The following ASAP1 variants were observed in gnomAD, a reference collection of about 807,000 sequenced individuals.
The protein encoded by ASAP1 is ArfGAP with SH3 domain, ankyrin repeat and PH domain 1.
A neutral mutation model predicts 145.2 loss-of-function variants in ASAP1; 43 were observed. The observed-to-expected ratio is 0.30, with a 90% CI of 0.23 to 0.38. ASAP1 has a LOEUF of 0.38. Ranked by LOEUF, ASAP1 falls within the 10% of genes least tolerant of loss-of-function variation. The pLI, the probability that ASAP1 is intolerant of heterozygous loss-of-function variation, is 1.00. For synonymous variants in ASAP1, 546 were observed against 515.5 expected (o/e 1.06, Z -0.80); for missense variants, 1,018 against 1,355.3 (o/e 0.75, Z 3.91).
chr8:130,443,161 C>A (rs892232369), intron 1 of ASAP1, among the ~76,000 whole-genome samples: 1 of 152,046 alleles, frequency 6.6e-6, no homozygotes, highest in Non-Finnish European at 1.5e-5. Context: ...GGGCGGGCCC[C>A]GTCCCCGGCC....
At chr8:130,301,227 C>T (rs1479328855) in intron 3 of ASAP1, among the ~76,000 whole-genome samples, 1 of 152,178 alleles carries the variant, frequency 6.6e-6, no homozygotes, top group Non-Finnish European at 1.5e-5. Context: ...TATTAAATGA[C>T]ATGTTGTACC....
chr8:130,300,153 C>CACACACACAGAG (rs1196584279), intron 3 of ASAP1, among the ~76,000 whole-genome samples: 17 of 76,888 alleles, frequency 2.2e-4, no homozygotes, highest in South Asian at 1.1e-3. Context: ...CACACACACA[C>CACACACACAGAG]AGAGAGAGAG....
At chr8:130,145,989 G>A (rs921656821) in intron 13 of ASAP1, among the ~76,000 whole-genome samples, 4 of 149,770 alleles carry the variant, frequency 2.7e-5, no homozygotes, top group African/African-American at 7.4e-5. Context: ...CAACAGGCAT[G>A]TGCCACCATA....
intron 11 of ASAP1, among the ~76,000 whole-genome samples, chr8:130,166,130 C>T (rs1351458841): frequency 6.6e-6 from 1 of 152,092 alleles, no homozygotes; most frequent in Non-Finnish European, 1.5e-5. Flanking sequence ...CCTCAGCTTC[C>T]CTAGTAGCTG....
chr8:130,394,663 C>G (rs1202446271), intron 2 of ASAP1, among the ~76,000 whole-genome samples: 2 of 152,174 alleles, frequency 1.3e-5, no homozygotes, highest in Non-Finnish European at 2.9e-5. Context: ...GCTTGTGGGG[C>G]ATCACGGAAC....
intron 3 of ASAP1, among the ~76,000 whole-genome samples, chr8:130,293,598 C>G (rs942855006): frequency 6.6e-6 from 1 of 152,180 alleles, no homozygotes; most frequent in African/African-American, 2.4e-5. Flanking sequence ...CCCCCACCCC[C>G]ACCACAATCA....
At chr8:130,078,659 G>A (rs183408666) in intron 26 of ASAP1, among the ~76,000 whole-genome samples, 162 of 152,224 alleles carry the variant, frequency 1.1e-3, no homozygotes, top group Middle Eastern at 0.01. Flanking sequence ...CAGAACTTTA[G>A]TTTTACAGGG....
At chr8:130,345,843 G>C (rs902486928) in intron 3 of ASAP1, among the ~76,000 whole-genome samples, 8 of 152,200 alleles carry the variant, frequency 5.3e-5, no homozygotes, top group African/African-American at 1.4e-4. Flanking sequence ...AGCCAACTCT[G>C]TGACTAGTAT....
intron 3 of ASAP1, 75 bp downstream of exon 3, chr8:130,357,942 A>C: frequency 6.6e-7 from 1 of 1,512,972 alleles, no homozygotes. Flanking sequence ...CCTTCCTCCC[A>C]GCTCGGAGAG....
At chr8:130,189,505 A>G (rs918411672) in intron 5 of ASAP1, among the ~76,000 whole-genome samples, 1 of 152,196 alleles carries the variant, frequency 6.6e-6, no homozygotes, top group African/African-American at 2.4e-5. Context: ...TTATGGCTGA[A>G]TAATATTCCA....
At chr8:130,184,694 A>G (rs911867654) in intron 7 of ASAP1, among the ~76,000 whole-genome samples, 13 of 152,330 alleles carry the variant, frequency 8.5e-5, no homozygotes, top group Admixed American at 3.3e-4. Context: ...GTAAGTCTTA[A>G]CTAGTAAAAG....
intron 18 of ASAP1, among the ~76,000 whole-genome samples, chr8:130,119,065 G>A (rs558327333): frequency 3.9e-5 from 6 of 152,150 alleles, no homozygotes; most frequent in Admixed American, 2.6e-4. Context: ...AGAGCTTCAC[G>A]GAAAGGATTT....
At chr8:130,104,613 G>A (rs377713045) in intron 24 of ASAP1, among the ~76,000 whole-genome samples, 2 of 152,176 alleles carry the variant, frequency 1.3e-5, no homozygotes, top group African/African-American at 4.8e-5. Flanking sequence ...CAAAACTGCT[G>A]GCAAGTATAC....
intron 8 of ASAP1, among the ~76,000 whole-genome samples, chr8:130,179,695 G>A (rs750614045): frequency 9.2e-5 from 14 of 152,170 alleles, no homozygotes; most frequent in South Asian, 6.2e-4. Flanking sequence ...CAGAAAGTAC[G>A]CAGAATAGCA....
At chr8:130,073,735 G>A (rs191574757) in intron 27 of ASAP1, among the ~76,000 whole-genome samples, 84 of 152,330 alleles carry the variant, frequency 5.5e-4, no homozygotes, top group African/African-American at 2.0e-3. Flanking sequence ...GATGGAAAGA[G>A]AGGATGGATG....
intron 4 of ASAP1, among the ~76,000 whole-genome samples, chr8:130,217,564 C>CACACACACACACA (rs1554850546): frequency 1.9e-5 from 2 of 103,088 alleles, no homozygotes; most frequent in Non-Finnish European, 4.7e-5. Flanking sequence ...ACACACAGAT[C>CACACACACACACA]TTTTCCTACC....
In ASAP1 at chr8:130,438,694, G is replaced by A. The variant is rs73427438; in HGVS notation, c.-28+4766C>T. Among the ~76,000 whole-genome samples the A allele has an allele frequency of 7.8e-3, 1,189 of 152,192 alleles. 19 individuals carry two copies. Among genetic ancestry groups the A allele is most frequent in the African/African-American group, 0.027 (1,127 of 41,492 alleles). On this transcript the variant is annotated intron_variant, in intron 1 of 29. Coordinates refer to ENST00000518721, the MANE Select transcript of ASAP1 (RefSeq NM_018482.4). ...TCCCTGGGTTGAAAGTGAACAATCG[G>A]GCCGACAGCTGAAGAATGCACAGTG... is the stretch of plus-strand genomic sequence containing the variant.
chr8:130,324,151 AG>A (rs1436922537), intron 3 of ASAP1, among the ~76,000 whole-genome samples: 1 of 152,214 alleles, frequency 6.6e-6, no homozygotes, highest in Non-Finnish European at 1.5e-5. Context: ...GTTTCTAATC[AG>A]GAAGATCTGG....
At chr8:130,210,020 C>T (rs1388358694) in intron 5 of ASAP1, among the ~76,000 whole-genome samples, 2 of 152,144 alleles carry the variant, frequency 1.3e-5, no homozygotes, top group Non-Finnish European at 2.9e-5. Flanking sequence ...TGCATGGTTT[C>T]AGATTCACAC....
Sources: allele counts gnomAD v4.1 joint callset (sites outside exome capture counted in the v4.1 genomes callset), GRCh38; gene constraint gnomAD v4.1.1; transcripts MANE v1.5; gene names NCBI Gene and HGNC (gene_info 2026-07-23, HGNC 2026-07-21).